The following SNX29 variants were observed in gnomAD, a reference collection of about 807,000 sequenced individuals.
The protein encoded by SNX29 is sorting nexin 29, also known as sorting nexin-29.
SNX29 carries 78 observed loss-of-function variants against 102.1 expected under a neutral mutation model. That is an observed-to-expected ratio of 0.76 (90% confidence interval 0.64 to 0.92). The LOEUF (loss-of-function observed/expected upper bound fraction) is 0.92, where lower values mean the gene tolerates loss of function less well. Among genes scored for constraint, SNX29 ranks in the 40% least tolerant of loss-of-function variants. The pLI is 0.00. For missense variants in SNX29, 1,280 were observed against 1,061.7 expected (o/e 1.21, Z -2.86); for synonymous variants, 580 against 414.5 (o/e 1.40, Z -4.85).
intron 20 of SNX29, among the ~76,000 whole-genome samples, chr16:12,539,073 C>T (rs1303492138): frequency 6.6e-6 from 1 of 152,142 alleles, no homozygotes; most frequent in African/African-American, 2.4e-5. Flanking sequence ...GGGATAGGGC[C>T]AAGTTTAATA....
rs933445233 is a variant in SNX29 at position 12,554,152 on chromosome 16, T to A, written c.2319-14354T>A. Among the ~76,000 whole-genome samples the A allele has an allele frequency of 8.5e-5, 13 of 152,320 alleles. 1 individual carries two copies. The highest frequency in any genetic ancestry group is 7.8e-4 in the Admixed American group (12 of 15,300). On this transcript the variant is annotated intron_variant, in intron 20 of 20. Coordinates refer to ENST00000566228, the MANE Select transcript of SNX29 (RefSeq NM_032167.5). ...CTGGATGCTTTGCTCTTTACTGTGTTTAAGTAAATGAGCAATGTGTGAATA... is the reference window on the plus strand; with the variant it reads ...CTGGATGCTTTGCTCTTTACTGTGTATAAGTAAATGAGCAATGTGTGAATA...
At chr16:12,376,255 T>C (rs779589185) in intron 16 of SNX29, among the ~76,000 whole-genome samples, 12 of 152,152 alleles carry the variant, frequency 7.9e-5, no homozygotes, top group Admixed American at 1.3e-4. Context: ...GCACCTTTAC[T>C]GGCCCCCCGG....
At chr16:12,522,862 ATGCGGTGG>A (rs1396013096) in intron 19 of SNX29, among the ~76,000 whole-genome samples, 1 of 152,276 alleles carries the variant, frequency 6.6e-6, no homozygotes, top group East Asian at 1.9e-4. Flanking sequence ...CCAGGGTGGA[ATGCGGTGG>A]TGTGATCATA....
chr16:12,180,418 AT>A (rs1567284162), intron 13 of SNX29, among the ~76,000 whole-genome samples: 1 of 151,666 alleles, frequency 6.6e-6, no homozygotes, highest in East Asian at 1.9e-4. Context: ...GCTATATTCT[AT>A]TACTTATTCT....
At chr16:12,550,165 G>A (rs1597931047) in intron 20 of SNX29, among the ~76,000 whole-genome samples, 1 of 152,164 alleles carries the variant, frequency 6.6e-6, no homozygotes, top group Admixed American at 6.5e-5. Context: ...GTAGTGATAT[G>A]GAAAAAATCT....
chr16:12,392,208 T>C (rs2083555362), intron 16 of SNX29, among the ~76,000 whole-genome samples: 1 of 152,256 alleles, frequency 6.6e-6, no homozygotes, highest in African/African-American at 2.4e-5. Context: ...GCTGTTCTTT[T>C]CATAGCTGCG....
chr16:11,978,145 G>A (rs1435204854), intron 1 of SNX29, among the ~76,000 whole-genome samples: 1 of 152,150 alleles, frequency 6.6e-6, no homozygotes, highest in Non-Finnish European at 1.5e-5. Flanking sequence ...GAAATGGACA[G>A]TCCTAATAAT....
intron 14 of SNX29, among the ~76,000 whole-genome samples, chr16:12,201,181 A>G (rs560685913): frequency 6.6e-6 from 1 of 152,314 alleles, no homozygotes; most frequent in African/African-American, 2.4e-5. Flanking sequence ...TCAGTGCAGA[A>G]TTAATCATCT....
At position 12,450,567 on chromosome 16, in the gene SNX29, G is replaced by A. The variant is rs181475263; in HGVS notation, c.2038-27152G>A. On this transcript the variant is annotated intron_variant, in intron 18 of 20. Transcript: ENST00000566228. ...CTGATTGGCTGAGGCCCGAATCATAGGCTCTGTCCAGCACACACGGTGTGA... is the reference window on the plus strand; with the variant it reads ...CTGATTGGCTGAGGCCCGAATCATAAGCTCTGTCCAGCACACACGGTGTGA... 4.3e-4 allele frequency among the ~76,000 whole-genome samples: 65 copies of A among 152,316 alleles called. 1 individual carries two copies. The East Asian group carries it at 0.01, about 24-fold the overall frequency.
chr16:12,048,412 G>A lies in SNX29; in HGVS notation c.540G>A (p.Lys180=). The change falls in exon 7 of 21, where the codon AAG becomes AAA. Residue 180 remains lysine, a synonymous_variant. Transcript: ENST00000566228. ...TCTTTGCGATTAACATCGACAACAA[G>A]GATTTGAACGGGCAGAGTAAGTTTG... The part of the protein sequence containing the change: ...SILFAINIDN[K]DLNGQSKFAP... 6.8e-6 allele frequency: 11 copies of A among 1,613,842 alleles called. No individual in the cohort carries two copies. The highest frequency in any genetic ancestry group is 9.3e-6 in the Non-Finnish European group (11 of 1,179,840).
Position 12,571,473 on chromosome 16 carries a change from C to T in SNX29, c.*2844C>T, listed in dbSNP as rs1027104937. 3.0e-5 allele frequency: 8 copies of T among 264,038 alleles called. No homozygotes were observed. Among genetic ancestry groups the T allele is most frequent in the African/African-American group, 1.7e-4 (8 of 45,804 alleles). The allele number at this position is 264,038 out of a possible 1,614,324, so 16.4% of individuals were successfully genotyped here. On this transcript the variant is annotated 3_prime_UTR_variant, in exon 21 of 21. Coordinates refer to ENST00000566228, the MANE Select transcript of SNX29 (RefSeq NM_032167.5). ...ACATCTGAGAACAGAAGCCCCCTCC[C>T]CTACTCAGAGAGGAACGAGGGTGGC...
intron 15 of SNX29, among the ~76,000 whole-genome samples, chr16:12,354,318 C>G (rs898499931): frequency 2.0e-5 from 3 of 152,138 alleles, no homozygotes; most frequent in African/African-American, 7.2e-5. Context: ...AATTTTGTCT[C>G]TTAAGTTGCA....
chr16:12,194,000 C>T (rs1428559845), intron 13 of SNX29, among the ~76,000 whole-genome samples: 3 of 152,200 alleles, frequency 2.0e-5, no homozygotes, highest in African/African-American at 4.8e-5. Flanking sequence ...ATGAATGTTA[C>T]AATCTGCTAG....
chr16:12,511,932 C>G (rs12595895), intron 19 of SNX29, among the ~76,000 whole-genome samples: 2 of 151,472 alleles, frequency 1.3e-5, no homozygotes, highest in African/African-American at 2.4e-5. Context: ...AGGAAGTGGT[C>G]GGGCCGCATA....
intron 20 of SNX29, among the ~76,000 whole-genome samples, chr16:12,548,070 G>GA (rs2077722432): frequency 1.3e-5 from 2 of 152,162 alleles, no homozygotes; most frequent in Non-Finnish European, 2.9e-5. Context: ...ACACGGTCAG[G>GA]CATGACATAA....
At chr16:12,322,509 G>A (rs1485558270) in intron 15 of SNX29, among the ~76,000 whole-genome samples, 5 of 152,184 alleles carry the variant, frequency 3.3e-5, no homozygotes, top group Non-Finnish European at 7.3e-5. Context: ...TTGTTTGTTT[G>A]TAGTGTACAT....
intron 13 of SNX29, chr16:12,135,775 A>G (rs981153697): frequency 2.3e-6 from 1 of 429,698 alleles, no homozygotes; most frequent in African/African-American, 2.1e-5. Context: ...TACTCATAAG[A>G]GTCCTGACTG....
intron 14 of SNX29, among the ~76,000 whole-genome samples, chr16:12,251,879 C>T (rs904284035): frequency 6.6e-6 from 1 of 152,028 alleles, no homozygotes; most frequent in Non-Finnish European, 1.5e-5. Context: ...CTTGACTCAG[C>T]CTCCCCAGTA....
intron 13 of SNX29, among the ~76,000 whole-genome samples, chr16:12,198,116 C>T (rs771198059): frequency 4.3e-4 from 66 of 152,152 alleles, no homozygotes; most frequent in Non-Finnish European, 5.6e-4. Context: ...TTATACTATC[C>T]TGTCATAGAG....
Sources: gnomAD v4.1 joint callset for allele counts (sites outside exome capture counted in the v4.1 genomes callset) on GRCh38, gnomAD v4.1.1 for gene constraint, MANE v1.5 for transcripts, NCBI Gene and HGNC (gene_info 2026-07-23, HGNC 2026-07-21) for gene names.